The following IGSF11 variants were observed in gnomAD, a reference collection of about 807,000 sequenced individuals.
IGSF11 encodes CXADR like 1.
Under a neutral mutation model 41.0 loss-of-function variants are expected in IGSF11, and 22 were observed. The observed-to-expected ratio is 0.54, with a 90% CI of 0.38 to 0.77. The LOEUF is 0.77. Ranked by LOEUF, IGSF11 falls within the 30% of genes least tolerant of loss-of-function variation. IGSF11 has a pLI of 0.00. For missense variants in IGSF11, 444 were observed against 530.8 expected, an observed-to-expected ratio of 0.84 and a Z score of 1.61; for synonymous variants, 219 against 201.3, an observed-to-expected ratio of 1.09 and a Z score of -0.74.
intron 1 of IGSF11, among the ~76,000 whole-genome samples, chr3:118,949,043 G>A (rs1410705274): frequency 6.7e-6 from 1 of 149,112 alleles, no homozygotes; most frequent in East Asian, 2.0e-4. Context: ...TGATAACGAA[G>A]GCAAAGACAT....
intron 1 of IGSF11, among the ~76,000 whole-genome samples, chr3:119,072,253 G>C (rs983817441): frequency 6.6e-6 from 1 of 152,144 alleles, no homozygotes; most frequent in Non-Finnish European, 1.5e-5. Flanking sequence ...TAACAAATAA[G>C]CCTTTTTAAA....
At chr3:118,964,887 G>T (rs1703897129) in intron 1 of IGSF11, among the ~76,000 whole-genome samples, 1 of 152,146 alleles carries the variant, frequency 6.6e-6, no homozygotes. Flanking sequence ...ATATGGTTCA[G>T]ACTGGAAATA....
intron 1 of IGSF11, among the ~76,000 whole-genome samples, chr3:119,056,836 T>A (rs890901986): frequency 6.6e-6 from 1 of 152,040 alleles, no homozygotes; most frequent in African/African-American, 2.4e-5. Context: ...ATCAATCAAC[T>A]TAATCCAGCA....
At chr3:119,056,614 T>C (rs1941846503) in intron 1 of IGSF11, among the ~76,000 whole-genome samples, 2 of 152,196 alleles carry the variant, frequency 1.3e-5, no homozygotes, top group Admixed American at 6.5e-5. Flanking sequence ...CCTCCCTAAC[T>C]CATTTTATGA....
intron 1 of IGSF11, among the ~76,000 whole-genome samples, chr3:118,943,796 T>A (rs1009032849): frequency 1.3e-5 from 2 of 152,238 alleles, no homozygotes; most frequent in Admixed American, 6.5e-5. Flanking sequence ...AGAGGCCAGA[T>A]AAAGGGCCTT....
chr3:118,958,353 A>C (rs548383558), intron 1 of IGSF11, among the ~76,000 whole-genome samples: 13 of 152,326 alleles, frequency 8.5e-5, no homozygotes, highest in African/African-American at 2.9e-4. Context: ...TATTCTGACC[A>C]CCATTTATGC....
At chr3:119,131,365 T>C (rs559578253) in intron 1 of IGSF11, among the ~76,000 whole-genome samples, 1 of 152,196 alleles carries the variant, frequency 6.6e-6, no homozygotes, top group East Asian at 1.9e-4. Flanking sequence ...TTAAATGACC[T>C]GATAGAGCTG....
chr3:118,946,932 G>C (rs982151769), intron 1 of IGSF11: 1 of 152,124 alleles, frequency 6.6e-6, no homozygotes, highest in East Asian at 1.9e-4. Flanking sequence ...TTAGCTAAAG[G>C]GTTGAGAAAA....
chr3:119,069,170 G>T (rs1341283150), intron 1 of IGSF11, among the ~76,000 whole-genome samples: 2 of 151,724 alleles, frequency 1.3e-5, no homozygotes, highest in Non-Finnish European at 2.9e-5. Context: ...CTCGTGATCT[G>T]CCCTGCCTCA....
At chr3:118,920,809 T>G (rs1320962156) in intron 4 of IGSF11, among the ~76,000 whole-genome samples, 3 of 152,158 alleles carry the variant, frequency 2.0e-5, no homozygotes, top group African/African-American at 7.2e-5. Context: ...GCTAAAGATA[T>G]AGCATATTGA....
intron 1 of IGSF11, among the ~76,000 whole-genome samples, chr3:119,083,086 A>T (rs2076608562): frequency 1.3e-5 from 2 of 150,866 alleles, no homozygotes; most frequent in South Asian, 4.2e-4. Context: ...AATTACCTTC[A>T]TAGACTAATT....
chr3:119,030,398 T>C (rs1194356275), intron 1 of IGSF11, among the ~76,000 whole-genome samples: 2 of 152,212 alleles, frequency 1.3e-5, no homozygotes. Context: ...GCTGAGTCTA[T>C]TATTTGCAAA....
intron 1 of IGSF11, among the ~76,000 whole-genome samples, chr3:119,019,548 G>T (rs574126361): frequency 7.6e-4 from 115 of 151,922 alleles, no homozygotes; most frequent in African/African-American, 2.4e-3. Context: ...CCCTTGTCCT[G>T]CTTTACTTCA....
chr3:118,907,456 G>C (rs997334721), intron 4 of IGSF11, among the ~76,000 whole-genome samples: 1 of 152,156 alleles, frequency 6.6e-6, no homozygotes, highest in Non-Finnish European at 1.5e-5. Context: ...GAGAACAGAG[G>C]GGGATAGGGG....
At chr3:118,937,163 C>T (rs560888808) in intron 1 of IGSF11, among the ~76,000 whole-genome samples, 1 of 152,318 alleles carries the variant, frequency 6.6e-6, no homozygotes, top group Admixed American at 6.5e-5. Context: ...CCTATGTTAT[C>T]CTTCTGCCTA....
intron 1 of IGSF11, among the ~76,000 whole-genome samples, chr3:119,023,999 TATGGAATTAA>T (rs1200958630): frequency 2.6e-5 from 4 of 152,280 alleles, no homozygotes; most frequent in African/African-American, 9.6e-5. Context: ...TCAAGGACAT[TATGGAATTAA>T]AGGGCTCTAA....
intron 1 of IGSF11, among the ~76,000 whole-genome samples, chr3:118,938,020 TCTC>T (rs1943404817): frequency 6.6e-6 from 1 of 151,360 alleles, no homozygotes; most frequent in African/African-American, 2.4e-5. Flanking sequence ...TCTCTCTCTC[TCTC>T]ATATATATAT....
chr3:119,058,422 A>G (rs531285772), intron 1 of IGSF11, among the ~76,000 whole-genome samples: 3 of 152,324 alleles, frequency 2.0e-5, no homozygotes, highest in East Asian at 1.9e-4. Flanking sequence ...AACCACAATG[A>G]GATACCATCT....
chr3:119,016,918 T>A (rs1005950483), intron 1 of IGSF11, among the ~76,000 whole-genome samples: 1 of 151,830 alleles, frequency 6.6e-6, no homozygotes, highest in Non-Finnish European at 1.5e-5. Flanking sequence ...GTATTGTTTA[T>A]GAAATAAACA....
Sources: gnomAD v4.1 joint callset for allele counts (sites outside exome capture counted in the v4.1 genomes callset) on GRCh38, gnomAD v4.1.1 for gene constraint, MANE v1.5 for transcripts, NCBI Gene and HGNC (gene_info 2026-07-23, HGNC 2026-07-21) for gene names.